The following CHEK2 variants were observed in gnomAD, a reference collection of about 807,000 sequenced individuals.
The protein encoded by CHEK2 is serine/threonine-protein kinase Chk2.
Under a neutral mutation model 69.1 loss-of-function variants are expected in CHEK2, and 71 were observed. That is an observed-to-expected ratio of 1.03 (90% CI 0.85 to 1.25). CHEK2 has a LOEUF of 1.25. Among genes scored for constraint, CHEK2 ranks in the 50% most tolerant of loss-of-function variants. The probability of loss-of-function intolerance (pLI) is 0.00; values close to 1 mark genes in which losing one functional copy is unlikely to be tolerated. For missense variants in CHEK2, 664 were observed against 649.6 expected (o/e 1.02, Z -0.24); for synonymous variants, 189 against 226.9 (o/e 0.83, Z 1.50).
At chr22:28,699,326 C>T (rs2052722518) in intron 9 of CHEK2, among the ~76,000 whole-genome samples, 1 of 144,300 alleles carries the variant, frequency 6.9e-6, no homozygotes, top group Non-Finnish European at 1.5e-5. Flanking sequence ...AATTCCCTTT[C>T]TTACTTTCTC....
At chr22:28,717,797 T>C (rs2145992578) in intron 5 of CHEK2, among the ~76,000 whole-genome samples, 1 of 152,324 alleles carries the variant, frequency 6.6e-6, no homozygotes, top group East Asian at 1.9e-4. Context: ...GAGAATCACT[T>C]GAACCCAGGA....
intron 2 of CHEK2, chr22:28,729,413 G>A (rs914018690): frequency 3.8e-5 from 6 of 159,884 alleles, no homozygotes; most frequent in South Asian, 2.7e-4. Flanking sequence ...GAGGTGGCGG[G>A]CGCCTGTAGT....
chr22:28,704,239 C>T (rs112427824), intron 7 of CHEK2, among the ~76,000 whole-genome samples: 1 of 151,716 alleles, frequency 6.6e-6, no homozygotes, highest in Admixed American at 6.6e-5. Context: ...GAGAATACTG[C>T]ACATTTTAAA....
chr22:28,705,605 T>A (rs192575955), intron 7 of CHEK2, among the ~76,000 whole-genome samples: 24 of 152,158 alleles, frequency 1.6e-4, no homozygotes, highest in African/African-American at 5.8e-4. Context: ...AACTATATTA[T>A]TTAGGGATAC....
rs587781667 is a variant in CHEK2 at position 28,725,253 on chromosome 22, C to T, written c.434G>A (p.Arg145Gln). 1.4e-5 allele frequency: 22 copies of T among 1,613,932 alleles called. No homozygotes were observed. The highest frequency in any genetic ancestry group is 3.3e-5 in the South Asian group (3 of 91,088). The change falls in exon 3 of 15, where the codon CGG becomes CAG. Residue 145 changes from arginine (R) to glutamine (Q), a missense_variant. Physicochemically the swap from Arg to Gln is conservative, Grantham distance 43. Transcript: ENST00000404276. ...KYRTYSKKHF[R>Q]IFREVGPKNS... ...GTATTCATTACCTACCCTGAAAATC[C>T]GAAAGTGTTTCTTGCTGTATGTTCG...
chr22:28,710,591 C>T (rs1486217202), intron 6 of CHEK2, among the ~76,000 whole-genome samples: 2 of 152,154 alleles, frequency 1.3e-5, no homozygotes, highest in Non-Finnish European at 2.9e-5. Flanking sequence ...ACAGCAGCCT[C>T]GCATATTTAC....
rs559982179 is a variant in CHEK2, at chr22:28,709,044, T to C, written c.846+962A>G. 18 of 366,390 alleles carry C rather than the reference T, an allele frequency of 4.9e-5. No homozygotes were observed. The East Asian group carries it at 1.7e-3, about 34-fold the overall frequency. The allele number at this position is 366,390 out of a possible 1,614,324, so 22.7% of individuals were successfully genotyped here. A position where few individuals can be genotyped will look rare whatever the true frequency, so the allele number is the denominator to read the frequency against. On this transcript the variant is annotated intron_variant, in intron 7 of 14. Transcript: ENST00000404276. ...GAGAGAGATCTTGCCTTGAGTTTAA[T>C]GCCATTGCCTAATGAGCTTATGCCT...
At chr22:28,740,884 G>A (rs2054534999) in intron 1 of CHEK2, among the ~76,000 whole-genome samples, 3 of 152,074 alleles carry the variant, frequency 2.0e-5, no homozygotes, top group Non-Finnish European at 2.9e-5. Flanking sequence ...GGCCGGGCGC[G>A]GTGGCTCACA....
chr22:28,737,155 C>G, intron 1 of CHEK2: 1 of 348,704 alleles, frequency 2.9e-6, no homozygotes. Context: ...TCCAAGACCC[C>G]CCAGTGGATG....
rs1477155272 is a variant in CHEK2, at chr22:28,721,739, T to C, written c.593-2254A>G. The C allele has an allele frequency of 1.1e-5, 4 of 362,360 alleles. No homozygotes were observed. The East Asian group carries it at 3.1e-4, about 28-fold the overall frequency. The allele number at this position is 362,360 out of a possible 1,614,324, so 22.4% of individuals were successfully genotyped here. A position where few individuals can be genotyped will look rare whatever the true frequency, so the allele number is the denominator to read the frequency against. ...ACATGTTGTACATGATAAATACATA[T>C]AATTTTTTTGAGACACGTTCTTACT... On this transcript the variant is annotated intron_variant, in intron 4 of 14. Coordinates refer to ENST00000404276, the MANE Select transcript of CHEK2 (RefSeq NM_007194.4).
At chr22:28,695,325 A>G (rs1940304668) in intron 11 of CHEK2, 83 bp from the exon 12 acceptor site, 3 of 826,768 alleles carry the variant, frequency 3.6e-6, no homozygotes, top group Non-Finnish European at 6.2e-6. Context: ...CTTTTTCAGC[A>G]TAATGAAAAG....
chr22:28,712,401 G>A (rs867800062), intron 5 of CHEK2: 11 of 288,944 alleles, frequency 3.8e-5, no homozygotes, highest in Middle Eastern at 1.0e-3. Context: ...AACAAATAAC[G>A]GTAAACAGAA....
At chr22:28,707,245 G>C (rs2053186892) in intron 7 of CHEK2, among the ~76,000 whole-genome samples, 1 of 152,170 alleles carries the variant, frequency 6.6e-6, no homozygotes, top group Non-Finnish European at 1.5e-5. Context: ...GCAGTTCAGG[G>C]AATTAACGAT....
chr22:28,694,374 TG>T (rs1225956803), intron 12 of CHEK2, among the ~76,000 whole-genome samples: 1 of 152,140 alleles, frequency 6.6e-6, no homozygotes, highest in African/African-American at 2.4e-5. Context: ...TTCCCTCTCT[TG>T]TTGCTAGACT....
chr22:28,695,524 G>C (rs769803979), intron 11 of CHEK2, among the ~76,000 whole-genome samples, 186 bp downstream of exon 11: 2 of 152,096 alleles, frequency 1.3e-5, no homozygotes, highest in African/African-American at 2.4e-5. Context: ...GGGCATGGTG[G>C]TGTGCATCTG....
intron 2 of CHEK2, chr22:28,728,160 T>C (rs1283197257): frequency 1.3e-5 from 2 of 152,084 alleles, no homozygotes; most frequent in South Asian, 2.1e-4. Context: ...CCAAATTTAG[T>C]TAGTTAAAAA....
intron 1 of CHEK2, chr22:28,737,403 T>C: frequency 2.5e-6 from 1 of 396,676 alleles, no homozygotes; most frequent in East Asian, 6.7e-5. Flanking sequence ...GGGGCCATTA[T>C]TAAATATAAG....
In CHEK2 at chr22:28,741,782, C is replaced by G. The variant is rs566344661; in HGVS notation, c.-20G>C. On this transcript the variant is annotated 5_prime_UTR_variant, in exon 1 of 15. Transcript: ENST00000404276. The stretch of plus-strand genomic sequence containing the variant: ...CATATGACTCACCGCGTGAGCCCAC[C>G]TGGAGCCGCACACTCTCCGCAGCCT... The G allele has an allele frequency of 6.4e-6, 3 of 471,646 alleles. No individual in the cohort carries two copies. Among genetic ancestry groups the G allele is most frequent in the Admixed American group, 7.3e-5 (2 of 27,508 alleles). 29.2% of individuals were successfully genotyped at this position (471,646 alleles called of 1,614,324 possible).
intron 5 of CHEK2, among the ~76,000 whole-genome samples, chr22:28,718,987 G>A (rs921562720): frequency 1.3e-5 from 2 of 151,972 alleles, no homozygotes; most frequent in Non-Finnish European, 2.9e-5. Context: ...AGCACTTTGG[G>A]AGGCTAAGGC....
Sources: gnomAD v4.1 joint callset for allele counts (sites outside exome capture counted in the v4.1 genomes callset) on GRCh38, gnomAD v4.1.1 for gene constraint, MANE v1.5 for transcripts, NCBI Gene and HGNC (gene_info 2026-07-23, HGNC 2026-07-21) for gene names.